LRIG1: variants seen among roughly 807,000 people sequenced by gnomAD.
LRIG1 encodes the protein leucine rich repeats and immunoglobulin like domains 1, also known as leucine-rich repeats and immunoglobulin-like domains protein 1.
Under a neutral mutation model 99.2 loss-of-function variants are expected in LRIG1, and 48 were observed. The observed-to-expected ratio is 0.48, with a 90% CI of 0.38 to 0.62. The LOEUF (loss-of-function observed/expected upper bound fraction) is 0.62, where lower values mean the gene tolerates loss of function less well. Ranked by LOEUF, LRIG1 falls within the 20% of genes least tolerant of loss-of-function variation. The pLI, the probability that LRIG1 is intolerant of heterozygous loss-of-function variation, is 0.00. For missense variants in LRIG1, 1,646 were observed against 1,434.4 expected (o/e 1.15, Z -2.38); for synonymous variants, 772 against 596.1 (o/e 1.29, Z -4.30).
At chr3:66,481,225 A>T (rs1460808811) in intron 1 of LRIG1, among the ~76,000 whole-genome samples, 1 of 152,204 alleles carries the variant, frequency 6.6e-6, no homozygotes, top group Non-Finnish European at 1.5e-5. Flanking sequence ...GCTACACAAC[A>T]TCAAAGAGAT....
intron 1 of LRIG1, among the ~76,000 whole-genome samples, chr3:66,492,469 G>A (rs1017854507): frequency 2.0e-5 from 3 of 152,028 alleles, no homozygotes; most frequent in African/African-American, 4.8e-5. Flanking sequence ...TACGTTCATC[G>A]TGTTTCTCAA....
At chr3:66,442,448 G>A (rs1385504668) in intron 3 of LRIG1, among the ~76,000 whole-genome samples, 1 of 151,548 alleles carries the variant, frequency 6.6e-6, no homozygotes, top group African/African-American at 2.4e-5. Flanking sequence ...AGTGAGGAGG[G>A]GGAGGAGGAG....
At position 66,398,158 on chromosome 3, in the gene LRIG1, A is replaced by C; in HGVS notation, c.1258T>G (p.Ser420Ala). The change falls in exon 11 of 19, where the codon TCT becomes GCT. Residue 420 changes from serine to alanine, a missense_variant. Transcript: ENST00000273261. The part of the protein sequence containing the change: ...HLNLGGNAIR[S>A]VQFDAFVKMK... ...TTCACAAAGGCATCAAACTGGACAG[A>C]TCTGATCGCATTCCCTCCAAGGTTC... is the stretch of plus-strand genomic sequence containing the variant. 1 of 1,614,096 alleles carries C rather than the reference A, an allele frequency of 6.2e-7. No individual in the cohort carries two copies.
chr3:66,421,169 C>T (rs899591481), intron 3 of LRIG1, among the ~76,000 whole-genome samples: 2 of 152,120 alleles, frequency 1.3e-5, no homozygotes, highest in Non-Finnish European at 2.9e-5. Context: ...GGTGGGGACA[C>T]AGCCAAACCA....
chr3:66,435,376 G>A (rs774880899), intron 3 of LRIG1, among the ~76,000 whole-genome samples: 1 of 151,886 alleles, frequency 6.6e-6, no homozygotes, highest in Non-Finnish European at 1.5e-5. Context: ...CTTCCCAACA[G>A]GGTGAAACCC....
rs753440122 is a variant in LRIG1, at chr3:66,386,062, C to A, written c.1708G>T (p.Gly570Trp). 2.5e-6 allele frequency: 4 copies of A among 1,614,036 alleles called. No homozygotes were observed. The highest frequency in any genetic ancestry group is 2.2e-5 in the East Asian group (1 of 44,890). Residue 570 changes from glycine (G) to tryptophan (W), a missense_variant, in exon 13 of 19, where the codon GGG becomes TGG. Physicochemically the swap from Gly to Trp is radical, Grantham distance 184 (BLOSUM62 -2). Coordinates refer to ENST00000273261, the MANE Select transcript of LRIG1 (RefSeq NM_015541.3). ...ACACATTGGTAGCGGCCCTCGTGCC[C>A]GAAAGTGACCTGACGGAGGTGCAGG... is the stretch of plus-strand genomic sequence containing the variant. ...TILHLRQVTF[G>W]HEGRYQCVIT...
At chr3:66,418,339 C>T (rs749542947) in intron 3 of LRIG1, among the ~76,000 whole-genome samples, 6 of 152,302 alleles carry the variant, frequency 3.9e-5, no homozygotes, top group East Asian at 3.9e-4. Context: ...ATGATCCACC[C>T]GCCTTGGCCT....
chr3:66,402,634 C>T (rs987756690), intron 9 of LRIG1, among the ~76,000 whole-genome samples: 1 of 152,210 alleles, frequency 6.6e-6, no homozygotes, highest in Non-Finnish European at 1.5e-5. Context: ...AGACCCTGAA[C>T]ACAAGCTCCT....
At chr3:66,384,324 C>T in intron 13 of LRIG1, 52 bp from the exon 14 acceptor site, 1 of 1,559,710 alleles carries the variant, frequency 6.4e-7, no homozygotes, top group Non-Finnish European at 8.7e-7. Context: ...AGATGCAAAA[C>T]CAGGAAGTCC....
chr3:66,458,018 G>C (rs1700269419), intron 2 of LRIG1, among the ~76,000 whole-genome samples: 1 of 152,240 alleles, frequency 6.6e-6, no homozygotes, highest in South Asian at 2.1e-4. Flanking sequence ...GTTAGCACAG[G>C]TTTTGAGTTC....
intron 16 of LRIG1, 136 bp from the exon 17 acceptor site, chr3:66,381,767 G>A (rs1701081907): frequency 3.2e-6 from 3 of 938,532 alleles, no homozygotes; most frequent in East Asian, 5.0e-5. Flanking sequence ...CTGCTGGTCT[G>A]GCAAGCAGCG....
chr3:66,420,786 G>A (rs1266116892), intron 3 of LRIG1, among the ~76,000 whole-genome samples: 1 of 152,196 alleles, frequency 6.6e-6, no homozygotes, highest in Non-Finnish European at 1.5e-5. Flanking sequence ...GGACCGGGGA[G>A]ACCGCAGAAG....
At chr3:66,405,721 G>C (rs778099302) in intron 8 of LRIG1, 1 of 1,103,056 alleles carries the variant, frequency 9.1e-7, no homozygotes, top group Non-Finnish European at 1.1e-6. Flanking sequence ...AAAGAGACCC[G>C]GCACAGGGCC....
intron 3 of LRIG1, among the ~76,000 whole-genome samples, chr3:66,422,984 C>T (rs1198532283): frequency 1.3e-5 from 2 of 152,134 alleles, no homozygotes; most frequent in Admixed American, 6.5e-5. Flanking sequence ...GAGACTCATT[C>T]ACTATTATGA....
chr3:66,379,511 A>T lies in LRIG1; in HGVS notation c.*752T>A, dbSNP rs1700905769. The T allele has an allele frequency of 6.6e-6, 1 of 152,260 alleles. No individual in the cohort carries two copies. The highest frequency in any genetic ancestry group is 1.5e-5 in the Non-Finnish European group (1 of 68,050). The allele number at this position is 152,260 out of a possible 1,614,324, so 9.4% of individuals were successfully genotyped here. ...GCTTTTATCATAAAATAAGAGGAGG[A>T]GGAAAGGCAGTGTTTAACTGTTCTG... On this transcript the variant is annotated 3_prime_UTR_variant, in exon 19 of 19. Coordinates refer to ENST00000273261, the MANE Select transcript of LRIG1 (RefSeq NM_015541.3).
intron 3 of LRIG1, among the ~76,000 whole-genome samples, chr3:66,445,358 G>A (rs531269038): frequency 1.1e-4 from 17 of 152,086 alleles, no homozygotes; most frequent in African/African-American, 2.2e-4. Flanking sequence ...GTTGCTACGC[G>A]GGGGAAGCCT....
chr3:66,404,263 A>T (rs1185608886), intron 9 of LRIG1: 1 of 1,289,202 alleles, frequency 7.8e-7, no homozygotes, highest in Non-Finnish European at 1.0e-6. Flanking sequence ...ATCGAGCTCC[A>T]CTAGGGCTTT....
At position 66,451,546 on chromosome 3, in the gene LRIG1, C is replaced by T. The variant is rs534712633; in HGVS notation, c.365+13G>A. 10 of 1,613,648 alleles carry T rather than the reference C, an allele frequency of 6.2e-6. No homozygotes were observed. The highest frequency in any genetic ancestry group is 2.7e-5 in the African/African-American group (2 of 75,000). ...ACCACACAGCCCAGAGTCCCCCAAACGGCACCACTTACAGAAAGAGAGAGA... is the reference window on the plus strand; with the variant it reads ...ACCACACAGCCCAGAGTCCCCCAAATGGCACCACTTACAGAAAGAGAGAGA... On this transcript the variant is annotated intron_variant, in intron 3 of 18. Transcript: ENST00000273261.
In LRIG1 at chr3:66,382,301, A is replaced by G. The variant is rs34141350; in HGVS notation, c.2589T>C (p.Pro863=). The stretch of plus-strand genomic sequence containing the variant: ...TGCTCTCAATGTGCCCATTGGCCTG[A>G]GGGCCACCCTCGGTCCTGACCACGG... ...QETVVRTEGG[P]QANGHIESNG... is the part of the protein sequence containing the mutation. The change falls in exon 16 of 19, where the codon CCT becomes CCC. Residue 863 remains proline, a synonymous_variant. Coordinates refer to ENST00000273261, the MANE Select transcript of LRIG1 (RefSeq NM_015541.3). The G allele has an allele frequency of 1.4e-4, 226 of 1,614,124 alleles. No homozygotes were observed. The African/African-American group carries it at 2.7e-3, about 19-fold the overall frequency.
Sources: allele counts gnomAD v4.1 joint callset (sites outside exome capture counted in the v4.1 genomes callset), GRCh38; gene constraint gnomAD v4.1.1; transcripts MANE v1.5; gene names NCBI Gene and HGNC (gene_info 2026-07-23, HGNC 2026-07-21).